ARSB: variants seen among roughly 807,000 people sequenced by gnomAD.
The protein encoded by ARSB is arylsulfatase B.
A neutral mutation model predicts 50.9 loss-of-function variants in ARSB; 41 were observed. The observed-to-expected ratio is 0.81, with a 90% CI of 0.63 to 1.04. The LOEUF is 1.04. ARSB is among the 50% of genes least tolerant of loss of function. The probability of loss-of-function intolerance (pLI) is 0.00; values close to 1 mark genes in which losing one functional copy is unlikely to be tolerated. For synonymous variants in ARSB, 269 were observed against 284.8 expected, an observed-to-expected ratio of 0.94 and a Z score of 0.56; for missense variants, 672 against 693.3, an observed-to-expected ratio of 0.97 and a Z score of 0.35.
chr5:78,976,566 CCA>C (rs1752681335), intron 1 of ARSB, among the ~76,000 whole-genome samples: 2 of 152,064 alleles, frequency 1.3e-5, no homozygotes, highest in Admixed American at 6.5e-5. Flanking sequence ...CCTAGGCCTC[CCA>C]AATTGCTGGG....
chr5:78,948,181 G>A (rs1175430813), intron 4 of ARSB, among the ~76,000 whole-genome samples: 2 of 152,064 alleles, frequency 1.3e-5, no homozygotes, highest in Admixed American at 6.5e-5. Flanking sequence ...TGGTTAATGG[G>A]TACACAAATA....
intron 4 of ARSB, among the ~76,000 whole-genome samples, chr5:78,934,901 AAAT>A (rs1344881584): frequency 3.3e-5 from 5 of 152,140 alleles, no homozygotes; most frequent in African/African-American, 1.2e-4. Flanking sequence ...TATTAAAATT[AAAT>A]AATAATACAT....
At chr5:78,838,047 C>T (rs1021696313) in intron 6 of ARSB, among the ~76,000 whole-genome samples, 5 of 152,192 alleles carry the variant, frequency 3.3e-5, no homozygotes, top group African/African-American at 9.7e-5. Context: ...GTAATCATTA[C>T]TGAGTGCCTA....
chr5:78,867,066 T>G (rs1413227532), intron 5 of ARSB, among the ~76,000 whole-genome samples: 1 of 152,090 alleles, frequency 6.6e-6, no homozygotes, highest in African/African-American at 2.4e-5. Context: ...CAGACGCACC[T>G]GGAAAATCGG....
chr5:78,976,408 C>A (rs1036330609), intron 1 of ARSB, among the ~76,000 whole-genome samples: 4 of 142,324 alleles, frequency 2.8e-5, no homozygotes, highest in African/African-American at 1.0e-4. Context: ...CGCCATCTAC[C>A]CCCCTGCCCC....
intron 5 of ARSB, among the ~76,000 whole-genome samples, chr5:78,866,405 G>A (rs1384829127): frequency 6.6e-6 from 1 of 152,132 alleles, no homozygotes; most frequent in Non-Finnish European, 1.5e-5. Context: ...CTCCCACTGG[G>A]TCCCTGCCAC....
At chr5:78,785,473 C>A (rs981988674) in intron 6 of ARSB, among the ~76,000 whole-genome samples, 1 of 152,160 alleles carries the variant, frequency 6.6e-6, no homozygotes, top group African/African-American at 2.4e-5. Context: ...AAAATCTCTT[C>A]TATGACTGGA....
chr5:78,902,126 G>A (rs1379763042), intron 4 of ARSB, among the ~76,000 whole-genome samples: 3 of 152,212 alleles, frequency 2.0e-5, no homozygotes, highest in Non-Finnish European at 4.4e-5. Flanking sequence ...ATGACAGAGG[G>A]CATCATATGA....
At chr5:78,960,890 T>C (rs1269137322) in intron 3 of ARSB, among the ~76,000 whole-genome samples, 3 of 152,186 alleles carry the variant, frequency 2.0e-5, no homozygotes, top group African/African-American at 7.2e-5. Context: ...AAAAGAAAGA[T>C]ATTTTATGAA....
chr5:78,913,626 A>G (rs1380287686), intron 4 of ARSB, among the ~76,000 whole-genome samples: 2 of 152,188 alleles, frequency 1.3e-5, no homozygotes, highest in Non-Finnish European at 2.9e-5. Flanking sequence ...CTCTTAATCC[A>G]TATTTCAATA....
At chr5:78,942,538 G>A (rs1750990004) in intron 4 of ARSB, among the ~76,000 whole-genome samples, 1 of 152,094 alleles carries the variant, frequency 6.6e-6, no homozygotes, top group African/African-American at 2.4e-5. Context: ...ATTTCATTAT[G>A]TACCCAGTAG....
intron 4 of ARSB, among the ~76,000 whole-genome samples, chr5:78,894,993 G>C (rs1178926451): frequency 1.3e-5 from 2 of 152,182 alleles, no homozygotes; most frequent in Non-Finnish European, 2.9e-5. Context: ...TGCAGCAGGA[G>C]ACAAAGGGAT....
In ARSB at chr5:78,789,463, C is replaced by A. The variant is rs559505102; in HGVS notation, c.1214-7489G>T. Among the ~76,000 whole-genome samples the A allele has an allele frequency of 2.6e-5, 4 of 152,204 alleles. No homozygotes were observed. In the East Asian group the frequency reaches 7.7e-4, roughly 29 times the overall value. ...TAATCCATCCAAAGTATGAAAGCAA[C>A]CAAGAACCAGTTTGGCTTCTGAAGA... On this transcript the variant is annotated intron_variant, in intron 6 of 7. Coordinates refer to ENST00000264914, the MANE Select transcript of ARSB (RefSeq NM_000046.5).
At chr5:78,865,399 A>G (rs1169389405) in intron 5 of ARSB, among the ~76,000 whole-genome samples, 1 of 152,118 alleles carries the variant, frequency 6.6e-6, no homozygotes, top group Non-Finnish European at 1.5e-5. Flanking sequence ...GCTGGGACAC[A>G]GGGCACCAAA....
intron 2 of ARSB, 23 bp from the exon 3 acceptor site, chr5:78,964,629 TAGTC>T (rs752847157): frequency 2.9e-5 from 47 of 1,604,164 alleles, no homozygotes; most frequent in Non-Finnish European, 3.8e-5. Flanking sequence ...AAGACGAAAA[TAGTC>T]AGCATAGCAT....
At chr5:78,928,749 T>C (rs1371730926) in intron 4 of ARSB, among the ~76,000 whole-genome samples, 1 of 152,248 alleles carries the variant, frequency 6.6e-6, no homozygotes, top group Non-Finnish European at 1.5e-5. Context: ...ATGAAATTAA[T>C]TGTATTCTCT....
At chr5:78,865,840 A>T (rs1475889074) in intron 5 of ARSB, among the ~76,000 whole-genome samples, 1 of 152,196 alleles carries the variant, frequency 6.6e-6, no homozygotes, top group Non-Finnish European at 1.5e-5. Flanking sequence ...CTCTTTGTTA[A>T]AACATAGCAA....
rs151292488 is a variant in ARSB, at chr5:78,833,298, A to G, written c.1213+6058T>C. 3.5e-3 allele frequency among the ~76,000 whole-genome samples: 529 copies of G among 152,270 alleles called. 1 individual carries two copies. The highest frequency in any genetic ancestry group is 6.8e-3 in the Middle Eastern group (2 of 294). ...ATGGTGCTATTCCCCAGGCTCTCTC[A>G]CGGGTTTCTTACACTGACCACCCTG... On this transcript the variant is annotated intron_variant, in intron 6 of 7. Coordinates refer to ENST00000264914, the MANE Select transcript of ARSB (RefSeq NM_000046.5).
At chr5:78,795,749 G>A (rs1413240745) in intron 6 of ARSB, among the ~76,000 whole-genome samples, 2 of 152,152 alleles carry the variant, frequency 1.3e-5, no homozygotes, top group African/African-American at 4.8e-5. Flanking sequence ...ACCTACAGGG[G>A]ACAAATTAAA....
Sources: allele counts gnomAD v4.1 joint callset (sites outside exome capture counted in the v4.1 genomes callset), GRCh38; gene constraint gnomAD v4.1.1; transcripts MANE v1.5; gene names NCBI Gene and HGNC (gene_info 2026-07-23, HGNC 2026-07-21).